The following CFTR variants were observed in gnomAD, a reference collection of about 807,000 sequenced individuals.
CFTR encodes the protein cystic fibrosis transmembrane conductance regulator.
Under a neutral mutation model 171.6 loss-of-function variants are expected in CFTR, and 181 were observed. The observed-to-expected ratio is 1.05, with a 90% confidence interval of 0.93 to 1.19. The LOEUF (loss-of-function observed/expected upper bound fraction) is 1.19, where lower values mean the gene tolerates loss of function less well. CFTR is among the 50% of genes most tolerant of loss of function. The probability of loss-of-function intolerance (pLI) is 0.00; values close to 1 mark genes in which losing one functional copy is unlikely to be tolerated. For missense variants in CFTR, 1,968 were observed against 1,734.7 expected (o/e 1.13, Z -2.39); for synonymous variants, 583 against 608.0 (o/e 0.96, Z 0.60).
rs753173837 is a variant in CFTR, at chr7:117,667,098, C to T, written c.4433C>T (p.Thr1478Ile). ...KEETEEEVQD[T>I]RL is the part of the protein sequence containing the mutation. ...GAGACAGAAGAAGAGGTGCAAGATA[C>T]AAGGCTTTAGAGAGCAGCATAAATG... is the stretch of plus-strand genomic sequence containing the variant. Residue 1478 changes from threonine (T) to isoleucine (I), a missense_variant, in exon 27 of 27, where the codon ACA becomes ATA. Thr to Ile is a moderately conservative substitution (Grantham distance 89, BLOSUM62 -1). Coordinates refer to ENST00000003084, the MANE Select transcript of CFTR (RefSeq NM_000492.4). 1 of 1,613,762 alleles carries T rather than the reference C, an allele frequency of 6.2e-7. No individual in the cohort carries two copies. Among genetic ancestry groups the T allele is most frequent in the South Asian group, 1.1e-5 (1 of 91,066 alleles).
intron 22 of CFTR, among the ~76,000 whole-genome samples, chr7:117,640,033 C>T (rs938151461): frequency 1.5e-4 from 23 of 152,142 alleles, no homozygotes; most frequent in Non-Finnish European, 2.9e-5. Context: ...AAATTCAACA[C>T]TGTTTAACTT....
intron 19 of CFTR, among the ~76,000 whole-genome samples, chr7:117,610,961 C>A (rs189479302): frequency 1.3e-5 from 2 of 152,030 alleles, no homozygotes; most frequent in African/African-American, 4.8e-5. Flanking sequence ...TTATATCAGT[C>A]AAATTAAACA....
At chr7:117,655,975 C>T (rs916823805) in intron 24 of CFTR, among the ~76,000 whole-genome samples, 4 of 152,054 alleles carry the variant, frequency 2.6e-5, no homozygotes, top group Admixed American at 6.6e-5. Context: ...CCTAAATCAC[C>T]TCCCAAAGGC....
intron 24 of CFTR, among the ~76,000 whole-genome samples, chr7:117,655,460 C>T (rs991805513): frequency 3.9e-5 from 6 of 152,092 alleles, no homozygotes; most frequent in Admixed American, 6.6e-5. Flanking sequence ...TGGCCTTTAC[C>T]GTCCATATTT....
chr7:117,636,017 T>C (rs35320768), intron 22 of CFTR, among the ~76,000 whole-genome samples: 5,539 of 152,188 alleles, frequency 0.036, 138 homozygotes, highest in African/African-American at 0.047. Context: ...TTTTCTCTCT[T>C]CAGCTTCTTT....
intron 9 of CFTR, among the ~76,000 whole-genome samples, chr7:117,546,847 C>G (rs946011331): frequency 6.6e-6 from 1 of 152,158 alleles, no homozygotes; most frequent in Non-Finnish European, 1.5e-5. Context: ...CACCTATAAC[C>G]ATTTCTTAGT....
intron 15 of CFTR, among the ~76,000 whole-genome samples, chr7:117,601,191 G>T (rs1456764406): frequency 6.6e-6 from 1 of 152,026 alleles, no homozygotes; most frequent in African/African-American, 2.4e-5. Context: ...GACTTAGAAT[G>T]TACACCCTTA....
intron 23 of CFTR, among the ~76,000 whole-genome samples, chr7:117,648,087 TTA>T (rs908403254): frequency 1.1e-4 from 16 of 146,746 alleles, no homozygotes; most frequent in South Asian, 2.1e-4. Flanking sequence ...ATATATGTAT[TTA>T]TATATATATG....
At chr7:117,656,645 A>G (rs1198245222) in intron 24 of CFTR, among the ~76,000 whole-genome samples, 1 of 152,186 alleles carries the variant, frequency 6.6e-6, no homozygotes, top group Non-Finnish European at 1.5e-5. Context: ...TATAATTTTA[A>G]AAAATAAGCA....
intron 10 of CFTR, among the ~76,000 whole-genome samples, chr7:117,556,581 G>A (rs1344576660): frequency 1.3e-4 from 18 of 139,800 alleles, no homozygotes; most frequent in Middle Eastern, 3.7e-3. Flanking sequence ...GTGCAGTGGC[G>A]GGATCTCGGC....
chr7:117,614,617 A>G lies in CFTR; in HGVS notation c.3372A>G (p.Glu1124=). The change falls in exon 21 of 27, where the codon GAA becomes GAG. Residue 1124 remains glutamate, a synonymous_variant. Coordinates refer to ENST00000003084, the MANE Select transcript of CFTR (RefSeq NM_000492.4). ...ACGTCTTTTGTGCATCTATAGGAGA[A>G]GGAGAAGGAAGAGTTGGTATTATCC... is the stretch of plus-strand genomic sequence containing the variant. ...VTFISILTTG[E]GEGRVGIILT... 6.2e-7 allele frequency: 1 copy of G among 1,605,496 alleles called. No individual in the cohort carries two copies.
chr7:117,600,061 G>C (rs1792199484), intron 15 of CFTR, among the ~76,000 whole-genome samples: 1 of 151,758 alleles, frequency 6.6e-6, no homozygotes, highest in African/African-American at 2.4e-5. Flanking sequence ...TATAGGTTAG[G>C]TAAAATAGGC....
intron 1 of CFTR, among the ~76,000 whole-genome samples, chr7:117,486,006 T>C (rs898313259): frequency 2.0e-5 from 3 of 152,138 alleles, no homozygotes; most frequent in Admixed American, 6.5e-5. Flanking sequence ...ATCATTTTGA[T>C]AAAAAGGGGT....
At chr7:117,636,619 A>G (rs1792830688) in intron 22 of CFTR, among the ~76,000 whole-genome samples, 1 of 149,074 alleles carries the variant, frequency 6.7e-6, no homozygotes, top group African/African-American at 2.5e-5. Context: ...GGAAGTTTCT[A>G]TTGACATATT....
intron 23 of CFTR, among the ~76,000 whole-genome samples, chr7:117,648,053 ATATATATG>A (rs1049377179): frequency 8.5e-5 from 12 of 141,046 alleles, no homozygotes; most frequent in African/African-American, 1.9e-4. Context: ...CACATTATTT[ATATATATG>A]TATATATGTA....
chr7:117,592,491 A>G lies in CFTR; in HGVS notation c.2324A>G (p.His775Arg), dbSNP rs771752335. Residue 775 changes from histidine to arginine, a missense_variant, in exon 14 of 27, where the codon CAC becomes CGC. By Grantham distance (29) the His-to-Arg change is conservative. Transcript: ENST00000003084. ...RRQSVLNLMT[H>R]SVNQGQNIHR... is the part of the protein sequence containing the mutation. ...CAGTCTGTCCTGAACCTGATGACAC[A>G]CTCAGTTAACCAAGGTCAGAACATT... The G allele has an allele frequency of 1.9e-6, 3 of 1,545,988 alleles. No individual in the cohort carries two copies. The highest frequency in any genetic ancestry group is 2.6e-6 in the Non-Finnish European group (3 of 1,149,028).
In CFTR at chr7:117,606,813, C is replaced by A; in HGVS notation, c.2988+60C>A. On this transcript the variant is annotated intron_variant, in intron 18 of 26. Transcript: ENST00000003084. ...ATTATTAAAAAAACAATAACAAAAG[C>A]AAATGTGATTTTGTTTTCATTTTTT... 5.2e-6 allele frequency: 5 copies of A among 968,224 alleles called. No individual in the cohort carries two copies. In the South Asian group the frequency reaches 6.5e-5, roughly 13 times the overall value. The allele number at this position is 968,224 out of a possible 1,614,324, so 60.0% of individuals were successfully genotyped here. A position where few individuals can be genotyped will look rare whatever the true frequency, so the allele number is the denominator to read the frequency against.
intron 11 of CFTR, chr7:117,586,284 G>T (rs1256702827): frequency 1.3e-5 from 2 of 152,010 alleles, no homozygotes; most frequent in Non-Finnish European, 2.9e-5. Flanking sequence ...ACCACTGAAG[G>T]TCCTTCTCAT....
intron 21 of CFTR, among the ~76,000 whole-genome samples, chr7:117,625,874 T>G (rs1004277691): frequency 2.0e-5 from 3 of 152,146 alleles, no homozygotes; most frequent in African/African-American, 7.2e-5. Flanking sequence ...GTATTTTAAT[T>G]CAAAGTTAAT....
Sources: gnomAD v4.1 joint callset for allele counts (sites outside exome capture counted in the v4.1 genomes callset) on GRCh38, gnomAD v4.1.1 for gene constraint, MANE v1.5 for transcripts, NCBI Gene and HGNC (gene_info 2026-07-23, HGNC 2026-07-21) for gene names.